Variants in MTHFSD observed in about 807,000 individuals in gnomAD.
The protein encoded by MTHFSD is methenyltetrahydrofolate synthase domain-containing protein.
Under a neutral mutation model 31.1 loss-of-function variants are expected in MTHFSD, and 37 were observed. The observed-to-expected ratio is 1.19, with a 90% CI of 0.91 to 1.56. The LOEUF (loss-of-function observed/expected upper bound fraction) is 1.56, where lower values mean the gene tolerates loss of function less well. Among genes scored for constraint, MTHFSD ranks in the 40% most tolerant of loss-of-function variants. The probability of loss-of-function intolerance (pLI) is 0.00; values close to 1 mark genes in which losing one functional copy is unlikely to be tolerated. For missense variants in MTHFSD, 664 were observed against 510.1 expected, an observed-to-expected ratio of 1.30 and a Z score of -2.91; for synonymous variants, 221 against 206.9, an observed-to-expected ratio of 1.07 and a Z score of -0.59.
Position 86,548,533 on chromosome 16 carries a change from T to G in MTHFSD, c.282A>C (p.Gly94=), listed in dbSNP as rs1193870600. 6.2e-7 allele frequency: 1 copy of G among 1,613,560 alleles called. No individual in the cohort carries two copies. Among genetic ancestry groups the G allele is most frequent in the Admixed American group, 1.7e-5 (1 of 59,880 alleles). The change falls in exon 4 of 8, where the codon GGA becomes GGC. Residue 94 remains glycine, a synonymous_variant. Coordinates refer to ENST00000360900, the MANE Select transcript of MTHFSD (RefSeq NM_001159377.2). ...LLVPTPRLRT[G]LFNKITPPPG... ...GGGGTGGTGTGATCTTATTAAACAA[T>G]CCCGTTCTCAGTCGTGGTGTTGGAA...
chr16:86,555,142 G>T, intron 1 of MTHFSD, 27 bp downstream of exon 1: 1 of 1,531,344 alleles, frequency 6.5e-7, no homozygotes, highest in South Asian at 1.2e-5. Context: ...ATTCCCAGCC[G>T]CCCCGGAGCC....
intron 5 of MTHFSD, among the ~76,000 whole-genome samples, 193 bp downstream of exon 5, chr16:86,546,366 A>T (rs1972304332): frequency 6.6e-6 from 1 of 152,228 alleles, no homozygotes; most frequent in African/African-American, 2.4e-5. Flanking sequence ...TGCTGTACAC[A>T]TGTTGGGCTG....
At chr16:86,534,975 C>G (rs1477769379) in intron 7 of MTHFSD, among the ~76,000 whole-genome samples, 1 of 152,202 alleles carries the variant, frequency 6.6e-6, no homozygotes, top group Non-Finnish European at 1.5e-5. Context: ...TCAAGGTTCC[C>G]TATGGCAGAA....
chr16:86,552,432 A>T (rs1973301543), intron 2 of MTHFSD: 2 of 677,208 alleles, frequency 3.0e-6, no homozygotes, highest in Non-Finnish European at 4.8e-6. Flanking sequence ...CAGTCTAAGT[A>T]AGGAAAGGGA....
At chr16:86,554,538 C>G (rs1195708152) in intron 2 of MTHFSD, 107 bp downstream of exon 2, 10 of 902,090 alleles carry the variant, frequency 1.1e-5, no homozygotes, top group Admixed American at 9.6e-5. Context: ...GCTCACTGCT[C>G]GCCACATTCT....
chr16:86,534,400 A>G (rs1054822695), intron 7 of MTHFSD, among the ~76,000 whole-genome samples: 2 of 152,194 alleles, frequency 1.3e-5, no homozygotes, highest in Non-Finnish European at 2.9e-5. Flanking sequence ...GTTTCAAAAC[A>G]GATTTCTGCC....
At position 86,531,937 on chromosome 16, in the gene MTHFSD, G is replaced by C; in HGVS notation, c.*74C>G. 9.3e-7 allele frequency: 1 copy of C among 1,072,680 alleles called. No individual in the cohort carries two copies. Among genetic ancestry groups the C allele is most frequent in the Non-Finnish European group, 1.3e-6 (1 of 795,556 alleles). The allele number at this position is 1,072,680 out of a possible 1,614,324, so 66.4% of individuals were successfully genotyped here. On this transcript the variant is annotated 3_prime_UTR_variant, in exon 8 of 8. Coordinates refer to ENST00000360900, the MANE Select transcript of MTHFSD (RefSeq NM_001159377.2). This position sits in a 1 kb window ranked among gnomAD's most constrained non-coding sequence, Gnocchi z 5.5. ...ACACGTCTTGCCACGCAGGCCTCTC[G>C]AGTGCCATCGGAACCGGAGCGGCAG...
At chr16:86,553,799 G>C (rs571980437) in intron 2 of MTHFSD, 1 of 153,288 alleles carries the variant, frequency 6.5e-6, no homozygotes, top group South Asian at 2.1e-4. Flanking sequence ...GATCTGCTGG[G>C]TGAAGTCAGC....
At chr16:86,533,809 TA>T (rs1970302337) in intron 7 of MTHFSD, 1 of 151,920 alleles carries the variant, frequency 6.6e-6, no homozygotes, top group Non-Finnish European at 1.5e-5. Flanking sequence ...TAAATTAGAG[TA>T]ACAGTTAAAG....
chr16:86,552,815 CTTG>C (rs1242425956), intron 2 of MTHFSD, among the ~76,000 whole-genome samples: 1 of 152,172 alleles, frequency 6.6e-6, no homozygotes, highest in African/African-American at 2.4e-5. Context: ...GAAGGTGGAG[CTTG>C]TTGTGGAGAA....
intron 7 of MTHFSD, chr16:86,541,136 A>G (rs1185962494): frequency 1.6e-6 from 2 of 1,287,078 alleles, no homozygotes; most frequent in African/African-American, 3.0e-5. Context: ...CATAACCTAC[A>G]GGCTGATTTG....
At chr16:86,540,880 C>T (rs1304179887) in intron 7 of MTHFSD, 2 of 1,108,772 alleles carry the variant, frequency 1.8e-6, no homozygotes, top group Non-Finnish European at 2.2e-6. Flanking sequence ...CCCAGCAGTG[C>T]CTGCCCAGGA....
intron 7 of MTHFSD, among the ~76,000 whole-genome samples, chr16:86,538,336 G>A (rs1971004355): frequency 6.6e-6 from 1 of 152,210 alleles, no homozygotes; most frequent in South Asian, 2.1e-4. Flanking sequence ...CGGCGGCAGT[G>A]GCAGACCCGG....
rs1379598644 is a variant in MTHFSD at position 86,530,690 on chromosome 16, T to G, written c.*1321A>C. 2.0e-5 allele frequency: 3 copies of G among 151,862 alleles called. No individual in the cohort carries two copies. The highest frequency in any genetic ancestry group is 2.9e-5 in the Non-Finnish European group (2 of 67,992). The allele number at this position is 151,862 out of a possible 1,614,324, so 9.4% of individuals were successfully genotyped here. A position where few individuals can be genotyped will look rare whatever the true frequency, so the allele number is the denominator to read the frequency against. On this transcript the variant is annotated 3_prime_UTR_variant, in exon 8 of 8. Coordinates refer to ENST00000360900, the MANE Select transcript of MTHFSD (RefSeq NM_001159377.2). ...AAAGAGAGAAAAGAAGGTGAGGAGT[T>G]CAGTGTAACCAGGTGACTACTCTGA... is the stretch of plus-strand genomic sequence containing the variant.
intron 5 of MTHFSD, among the ~76,000 whole-genome samples, chr16:86,543,110 T>A (rs1182675244): frequency 2.6e-5 from 4 of 152,190 alleles, no homozygotes; most frequent in Non-Finnish European, 5.9e-5. Context: ...GCAAAGGATA[T>A]GAACAGTTCA....
chr16:86,546,537 G>A (rs2143736455), intron 5 of MTHFSD, 22 bp downstream of exon 5: 2 of 1,607,152 alleles, frequency 1.2e-6, no homozygotes, highest in East Asian at 2.2e-5. Flanking sequence ...CACACTCAAG[G>A]GTTCCCATCT....
chr16:86,539,462 C>T (rs1003582462), intron 7 of MTHFSD, among the ~76,000 whole-genome samples: 1 of 152,234 alleles, frequency 6.6e-6, no homozygotes, highest in Non-Finnish European at 1.5e-5. Context: ...TCCCAAGCAT[C>T]GTCCTGGGCA....
chr16:86,554,072 AAG>A (rs1419481642), intron 2 of MTHFSD, among the ~76,000 whole-genome samples: 1 of 152,120 alleles, frequency 6.6e-6, no homozygotes, highest in African/African-American at 2.4e-5. Context: ...GGGGCCAGAT[AAG>A]AGATTAAAAG....
chr16:86,541,465 GA>G (rs1203883928), intron 7 of MTHFSD: 2 of 653,266 alleles, frequency 3.1e-6, no homozygotes, highest in African/African-American at 3.6e-5. Context: ...GCCATCTACA[GA>G]GGCAGATTTT....
Sources: allele counts gnomAD v4.1 joint callset (sites outside exome capture counted in the v4.1 genomes callset), GRCh38; gene constraint gnomAD v4.1.1; non-coding constraint Gnocchi (gnomAD v3.1); transcripts MANE v1.5; gene names NCBI Gene and HGNC (gene_info 2026-07-23, HGNC 2026-07-21).